Variants in PUS10 observed in about 807,000 individuals in gnomAD.
PUS10 encodes the protein pseudouridine synthase 10.
A neutral mutation model predicts 75.0 loss-of-function variants in PUS10; 59 were observed. That is an observed-to-expected ratio of 0.79 (90% confidence interval 0.64 to 0.98). The LOEUF (loss-of-function observed/expected upper bound fraction) is 0.98. Among genes scored for constraint, PUS10 ranks in the 50% least tolerant of loss-of-function variants. The probability of loss-of-function intolerance (pLI) is 0.00; values close to 1 mark genes in which losing one functional copy is unlikely to be tolerated. For missense variants in PUS10, 650 were observed against 614.4 expected (o/e 1.06, Z -0.61); for synonymous variants, 219 against 211.6 (o/e 1.03, Z -0.30).
chr2:60,961,185 C>T (rs761079857), intron 10 of PUS10, among the ~76,000 whole-genome samples: 1 of 152,166 alleles, frequency 6.6e-6, no homozygotes, highest in African/African-American at 2.4e-5. Flanking sequence ...TCTGCATCTA[C>T]CCATATTTCT....
At chr2:61,008,713 T>A (rs1342854897) in intron 3 of PUS10, 48 bp downstream of exon 3, 3 of 1,388,930 alleles carry the variant, frequency 2.2e-6, no homozygotes, top group Non-Finnish European at 2.9e-6. Flanking sequence ...GTTTTAAGAC[T>A]GAAAATCTCT....
chr2:60,953,981 T>C lies in PUS10; in HGVS notation c.1142A>G (p.Asn381Ser). The change falls in exon 14 of 18, where the codon AAT becomes AGT. Residue 381 changes from asparagine to serine, a missense_variant. Asn to Ser is a conservative substitution (Grantham distance 46). Transcript: ENST00000316752. ...TACTTGGATTTTGTTAGATGAGTTA[T>C]TAATTTTCTGTAGTAGCAGAAAAAG... is the stretch of plus-strand genomic sequence containing the variant. ...QEIKELQQKI[N>S]NSSNKIQVRD... is the part of the protein sequence containing the mutation. The C allele has an allele frequency of 6.2e-7, 1 of 1,614,020 alleles. No homozygotes were observed. The highest frequency in any genetic ancestry group is 8.5e-7 in the Non-Finnish European group (1 of 1,179,818).
intron 16 of PUS10, among the ~76,000 whole-genome samples, chr2:60,946,957 GAAAC>G (rs969925407): frequency 5.9e-5 from 9 of 151,986 alleles, no homozygotes; most frequent in Non-Finnish European, 5.9e-5. Context: ...ATAAAACCAA[GAAAC>G]AAACAAAAAC....
intron 16 of PUS10, among the ~76,000 whole-genome samples, chr2:60,947,279 G>C (rs1307083162): frequency 6.6e-6 from 1 of 152,132 alleles, no homozygotes; most frequent in East Asian, 1.9e-4. Context: ...CAGTGGCCAA[G>C]TAAAGATCCT....
At chr2:60,971,714 G>A (rs1257025654) in intron 4 of PUS10, among the ~76,000 whole-genome samples, 157 bp from the exon 5 acceptor site, 1 of 152,104 alleles carries the variant, frequency 6.6e-6, no homozygotes, top group African/African-American at 2.4e-5. Context: ...AGTGACCTCA[G>A]TCTCATTTAA....
intron 4 of PUS10, among the ~76,000 whole-genome samples, chr2:60,985,807 T>G (rs1332940599): frequency 6.6e-6 from 1 of 152,128 alleles, no homozygotes; most frequent in Non-Finnish European, 1.5e-5. Context: ...CGGCCTTTTC[T>G]CTTTTTTATT....
intron 4 of PUS10, among the ~76,000 whole-genome samples, chr2:60,998,055 C>T (rs1157427138): frequency 6.6e-6 from 1 of 152,180 alleles, no homozygotes; most frequent in Non-Finnish European, 1.5e-5. Context: ...CATGCCTGCA[C>T]ACACAATATA....
intron 4 of PUS10, among the ~76,000 whole-genome samples, chr2:60,980,140 T>C (rs1202335732): frequency 1.3e-5 from 2 of 152,214 alleles, no homozygotes; most frequent in African/African-American, 2.4e-5. Flanking sequence ...AAGACAGATA[T>C]GGCTCAGTAC....
At chr2:61,008,107 G>C (rs1679356664) in intron 3 of PUS10, among the ~76,000 whole-genome samples, 1 of 152,104 alleles carries the variant, frequency 6.6e-6, no homozygotes, top group African/African-American at 2.4e-5. Flanking sequence ...CTTGGCCTTG[G>C]CCGGGTACAG....
At chr2:61,012,090 C>T (rs1295199619) in intron 1 of PUS10, among the ~76,000 whole-genome samples, 185 bp from the exon 2 acceptor site, 1 of 152,012 alleles carries the variant, frequency 6.6e-6, no homozygotes. Flanking sequence ...TAAGATGGAT[C>T]CGGTAAAGGT....
intron 4 of PUS10, among the ~76,000 whole-genome samples, chr2:60,976,710 A>G (rs1164679568): frequency 6.6e-6 from 1 of 152,240 alleles, no homozygotes; most frequent in Non-Finnish European, 1.5e-5. Context: ...AGGGGCTTAA[A>G]GGCTGAATCT....
rs770325223 is a variant in PUS10, at chr2:60,948,093, C to G, written c.1401G>C (p.Gln467His). 1.9e-6 allele frequency: 3 copies of G among 1,614,130 alleles called. No individual in the cohort carries two copies. The highest frequency in any genetic ancestry group is 2.2e-5 in the South Asian group (2 of 91,090). ...RARVIHFMET[Q>H]YVDEHHFRLH... Reference sequence around the variant, plus strand: ...GGCGGAAGTGGTGCTCATCCACGTACTGTGTCTCCATGAAGTGAATGACGC... The same window carrying G: ...GGCGGAAGTGGTGCTCATCCACGTAGTGTGTCTCCATGAAGTGAATGACGC... The change falls in exon 16 of 18, where the codon CAG (glutamine) becomes CAC (histidine). Residue 467 changes from glutamine (Q) to histidine (H), a missense_variant. Gln to His is a conservative substitution (Grantham distance 24). Coordinates refer to ENST00000316752, the MANE Select transcript of PUS10 (RefSeq NM_144709.4).
At position 60,945,077 on chromosome 2, in the gene PUS10, C is replaced by G; in HGVS notation, c.1483G>C (p.Gly495Arg). 1.2e-6 allele frequency: 2 copies of G among 1,613,914 alleles called. No individual in the cohort carries two copies. Among genetic ancestry groups the G allele is most frequent in the South Asian group, 2.2e-5 (2 of 91,078 alleles). Residue 495 changes from glycine (G) to arginine (R), a missense_variant, in exon 17 of 18, where the codon GGG becomes CGG. Gly to Arg is a moderately radical substitution (Grantham distance 125). Coordinates refer to ENST00000316752, the MANE Select transcript of PUS10 (RefSeq NM_144709.4). ...GACCCAATGTTTGGCTTGGTTCTCCCGAAGTCTCCATGTACAAACTCTTTA... is the reference window on the plus strand; with the variant it reads ...GACCCAATGTTTGGCTTGGTTCTCCGGAAGTCTCCATGTACAAACTCTTTA... ...YIKEFVHGDF[G>R]RTKPNIGSLM... is the part of the protein sequence containing the mutation.
chr2:60,950,644 C>T (rs1003101277), intron 15 of PUS10, among the ~76,000 whole-genome samples: 1 of 152,184 alleles, frequency 6.6e-6, no homozygotes, highest in Non-Finnish European at 1.5e-5. Context: ...GTCTCAAACT[C>T]CTGGCCTCAA....
intron 16 of PUS10, 108 bp from the exon 17 acceptor site, chr2:60,945,216 T>C (rs1377074334): frequency 1.4e-6 from 1 of 728,176 alleles, no homozygotes; most frequent in Non-Finnish European, 2.4e-6. Context: ...AAAAGAAAGG[T>C]TACTTCTGAG....
chr2:60,983,158 G>C (rs1362874471), intron 4 of PUS10, among the ~76,000 whole-genome samples: 1 of 152,082 alleles, frequency 6.6e-6, no homozygotes, highest in Non-Finnish European at 1.5e-5. Context: ...CTCCCAAAGT[G>C]CTGGGATTAC....
intron 4 of PUS10, chr2:60,998,738 G>T (rs1678649812): frequency 6.6e-6 from 1 of 151,788 alleles, no homozygotes; most frequent in African/African-American, 2.4e-5. Context: ...TGCTGCTACA[G>T]AAATTGTACT....
chr2:60,951,996 A>G (rs932813583), intron 15 of PUS10, among the ~76,000 whole-genome samples: 1 of 152,196 alleles, frequency 6.6e-6, no homozygotes, highest in Admixed American at 6.5e-5. Flanking sequence ...TGTGGTAACT[A>G]TATGCATCTC....
intron 8 of PUS10, among the ~76,000 whole-genome samples, chr2:60,964,441 CAAT>C (rs1676213254): frequency 6.6e-6 from 1 of 152,100 alleles, no homozygotes; most frequent in Admixed American, 6.6e-5. Context: ...GAAAGATGAC[CAAT>C]ATCGCACCAC....
Sources: allele counts gnomAD v4.1 joint callset (sites outside exome capture counted in the v4.1 genomes callset), GRCh38; gene constraint gnomAD v4.1.1; transcripts MANE v1.5; gene names NCBI Gene and HGNC (gene_info 2026-07-23, HGNC 2026-07-21).